The following SCN9A variants were observed in gnomAD, a reference collection of about 807,000 sequenced individuals.
SCN9A encodes the protein sodium voltage-gated channel alpha subunit 9.
Under a neutral mutation model 187.0 loss-of-function variants are expected in SCN9A, and 131 were observed. The ratio of observed to expected loss-of-function variants is 0.70; its 90% confidence interval spans 0.61 to 0.81. The LOEUF (loss-of-function observed/expected upper bound fraction) is 0.81. Ranked by LOEUF, SCN9A falls within the 30% of genes least tolerant of loss-of-function variation. The probability of loss-of-function intolerance (pLI) is 0.00; values close to 1 mark genes in which losing one functional copy is unlikely to be tolerated. For missense variants in SCN9A, 2,252 were observed against 2,396.6 expected (o/e 0.94, Z 1.26); for synonymous variants, 809 against 808.6 (o/e 1.00, Z -0.01).
intron 26 of SCN9A, among the ~76,000 whole-genome samples, chr2:166,202,797 A>C (rs1463593504): frequency 6.6e-6 from 1 of 151,742 alleles, no homozygotes; most frequent in Non-Finnish European, 1.5e-5. Context: ...GTGTTGGCAC[A>C]TGTAATTTAA....
At chr2:166,200,722 G>C (rs1693468475) in intron 26 of SCN9A, among the ~76,000 whole-genome samples, 1 of 152,042 alleles carries the variant, frequency 6.6e-6, no homozygotes. Context: ...TGCAATCTCT[G>C]CATCCCGGGA....
intron 1 of SCN9A, among the ~76,000 whole-genome samples, chr2:166,365,082 C>T (rs990317689): frequency 2.6e-5 from 4 of 152,026 alleles, no homozygotes; most frequent in East Asian, 1.9e-4. Context: ...TATTACTGTA[C>T]TCCCACCATT....
At chr2:166,373,327 T>TTA (rs1700609362) in intron 1 of SCN9A, among the ~76,000 whole-genome samples, 1 of 150,194 alleles carries the variant, frequency 6.7e-6, no homozygotes, top group African/African-American at 2.4e-5. Flanking sequence ...TTTTTTTTTT[T>TTA]AAATGCAGTT....
At chr2:166,356,335 C>T (rs1013844510) in intron 1 of SCN9A, among the ~76,000 whole-genome samples, 2 of 151,926 alleles carry the variant, frequency 1.3e-5, no homozygotes, top group Non-Finnish European at 2.9e-5. Flanking sequence ...TTGCAAAAAA[C>T]ATTCATTCAT....
chr2:166,307,710 A>G (rs1698804558), intron 2 of SCN9A, among the ~76,000 whole-genome samples: 1 of 152,244 alleles, frequency 6.6e-6, no homozygotes, highest in Non-Finnish European at 1.5e-5. Flanking sequence ...AAAAAACGAT[A>G]TGAATAGAAG....
At chr2:166,307,137 T>A in intron 2 of SCN9A, 63 bp from the exon 3 acceptor site, 1 of 939,254 alleles carries the variant, frequency 1.1e-6, no homozygotes, top group Non-Finnish European at 1.7e-6. Context: ...CACATCAATA[T>A]CAGCAGTTTA....
chr2:166,314,463 A>G (rs1432096394), intron 1 of SCN9A, among the ~76,000 whole-genome samples: 1 of 152,206 alleles, frequency 6.6e-6, no homozygotes, highest in Non-Finnish European at 1.5e-5. Flanking sequence ...TACTTGGTAC[A>G]GACTCAAGGG....
At chr2:166,289,756 A>T (rs984079839) in intron 9 of SCN9A, among the ~76,000 whole-genome samples, 3 of 152,042 alleles carry the variant, frequency 2.0e-5, no homozygotes, top group African/African-American at 7.2e-5. Context: ...TTACACTCCT[A>T]CCAACAGTTT....
intron 17 of SCN9A, among the ~76,000 whole-genome samples, chr2:166,271,525 C>T (rs1164998550): frequency 6.6e-6 from 1 of 151,850 alleles, no homozygotes; most frequent in Non-Finnish European, 1.5e-5. Flanking sequence ...CTGGTTAGGG[C>T]CATAGTGTGA....
intron 24 of SCN9A, among the ~76,000 whole-genome samples, chr2:166,222,960 A>AAAAAAAAAAAAAAAAAAAC (rs1694679587): frequency 6.8e-6 from 1 of 146,692 alleles, no homozygotes; most frequent in African/African-American, 2.5e-5. Context: ...AAAAAAAAAA[A>AAAAAAAAAAAAAAAAAAAC]AAAAAAAAAA....
At chr2:166,355,438 G>C (rs938155518) in intron 1 of SCN9A, among the ~76,000 whole-genome samples, 1 of 151,542 alleles carries the variant, frequency 6.6e-6, no homozygotes, top group Non-Finnish European at 1.5e-5. Context: ...GTTCTTCTTT[G>C]GTCAGTGTCT....
At chr2:166,250,619 C>T (rs1695992208) in intron 18 of SCN9A, among the ~76,000 whole-genome samples, 1 of 152,196 alleles carries the variant, frequency 6.6e-6, no homozygotes, top group Admixed American at 6.5e-5. Context: ...CTAGATGATA[C>T]AATACTTGTT....
At chr2:166,203,889 T>C in intron 26 of SCN9A, 66 bp downstream of exon 26, 1 of 979,668 alleles carries the variant, frequency 1.0e-6, no homozygotes, top group Non-Finnish European at 1.5e-6. Flanking sequence ...CAGCATATAC[T>C]TCCTTGAGCA....
At chr2:166,262,579 G>C in intron 17 of SCN9A, among the ~76,000 whole-genome samples, 1 of 151,822 alleles carries the variant, frequency 6.6e-6, no homozygotes. Context: ...CCATTACAGA[G>C]GTATAGCAGA....
intron 1 of SCN9A, among the ~76,000 whole-genome samples, chr2:166,370,234 T>TCGTC: frequency 6.7e-6 from 1 of 148,582 alleles, no homozygotes; most frequent in East Asian, 2.0e-4. Context: ...ATAATAATAA[T>TCGTC]AATCATCATC....
intron 1 of SCN9A, among the ~76,000 whole-genome samples, chr2:166,340,562 C>CT (rs1191878292): frequency 2.6e-5 from 2 of 77,432 alleles, no homozygotes; most frequent in Non-Finnish European, 4.7e-5. Flanking sequence ...TTCTTTCTTT[C>CT]TTTCTTTCTT....
chr2:166,370,666 AT>A (rs1332331672), intron 1 of SCN9A, among the ~76,000 whole-genome samples: 4 of 152,040 alleles, frequency 2.6e-5, no homozygotes, highest in African/African-American at 9.7e-5. Context: ...TAATACTTAT[AT>A]TTTAATGCAT....
intron 1 of SCN9A, among the ~76,000 whole-genome samples, chr2:166,312,403 A>G (rs1698988741): frequency 2.0e-5 from 3 of 152,256 alleles, no homozygotes; most frequent in East Asian, 1.9e-4. Flanking sequence ...TTCTCTTGCT[A>G]TTTCCACCAC....
chr2:166,291,779 G>C (rs1314474292), intron 9 of SCN9A, among the ~76,000 whole-genome samples: 3 of 151,960 alleles, frequency 2.0e-5, no homozygotes, highest in Admixed American at 6.6e-5. Flanking sequence ...ACTTCTACAA[G>C]CATCTGATCT....
Sources: gnomAD v4.1 joint callset for allele counts (sites outside exome capture counted in the v4.1 genomes callset) on GRCh38, gnomAD v4.1.1 for gene constraint, MANE v1.5 for transcripts, NCBI Gene and HGNC (gene_info 2026-07-23, HGNC 2026-07-21) for gene names.